SRGAP2C: variants seen among roughly 807,000 people sequenced by gnomAD.
SRGAP2C encodes SLIT-ROBO Rho GTPase activating protein 2C.
Under a neutral mutation model 25.1 loss-of-function variants are expected in SRGAP2C, and 15 were observed. The observed-to-expected ratio is 0.60, with a 90% CI of 0.40 to 0.92. The LOEUF is 0.92. SRGAP2C is among the 40% of genes least tolerant of loss of function. The pLI is 0.00. For synonymous variants in SRGAP2C, 44 were observed against 96.6 expected (o/e 0.46, Z 3.19); for missense variants, 144 against 264.4 (o/e 0.54, Z 3.16).
At chr1:121,321,165 G>A (rs1553341095) in intron 3 of SRGAP2C, among the ~76,000 whole-genome samples, 12 of 142,476 alleles carry the variant, frequency 8.4e-5, no homozygotes, top group Non-Finnish European at 1.2e-4. Context: ...GGTATCTAAC[G>A]CAGGGAAACT....
At position 121,310,894 on chromosome 1, in the gene SRGAP2C, T is replaced by A. The variant is rs1197294325; in HGVS notation, c.261-13584T>A. On this transcript the variant is annotated intron_variant, in intron 3 of 9. Coordinates refer to ENST00000367123, the MANE Select transcript of SRGAP2C (RefSeq NM_001329984.2). ...TTTGTTCTTTTGGCTTAGGATTGAC[T>A]TGGCGATGCGGGCTCTTTTTTGGTT... is the stretch of plus-strand genomic sequence containing the variant. Among the ~76,000 whole-genome samples, 3 of 65,822 alleles carry A rather than the reference T, an allele frequency of 4.6e-5. 1 individual carries two copies. Among genetic ancestry groups the A allele is most frequent in the African/African-American group, 1.7e-4 (3 of 18,002 alleles). The allele number at this position is 65,822 out of a possible 152,430, so 43.2% of individuals were successfully genotyped here. A position where few individuals can be genotyped will look rare whatever the true frequency, so the allele number is the denominator to read the frequency against.
chr1:121,185,111 C>T lies in SRGAP2C; in HGVS notation c.-556C>T. The T allele has an allele frequency of 6.3e-6, 3 of 476,380 alleles. No homozygotes were observed. The highest frequency in any genetic ancestry group is 3.5e-5 in the East Asian group (1 of 28,884). 29.5% of individuals were successfully genotyped at this position (476,380 alleles called of 1,614,324 possible). On this transcript the variant is annotated 5_prime_UTR_variant, in exon 1 of 10. Transcript: ENST00000367123. ...GCGGAACCGGGGGCCTGGGACCCGT[C>T]GCGTCAGAGCCAGGTAAAGGCTCCT... is the stretch of plus-strand genomic sequence containing the variant.
At chr1:121,233,169 C>A (rs1183702243) in intron 2 of SRGAP2C, among the ~76,000 whole-genome samples, 4 of 129,978 alleles carry the variant, frequency 3.1e-5, no homozygotes, top group South Asian at 2.7e-4. Flanking sequence ...TTTTTTGAGA[C>A]AGAGTCTTGC....
At chr1:121,320,982 C>G (rs1658191747) in intron 3 of SRGAP2C, among the ~76,000 whole-genome samples, 1 of 152,170 alleles carries the variant, frequency 6.6e-6, no homozygotes, top group South Asian at 2.1e-4. Flanking sequence ...ATAGGCTCAC[C>G]TGTACAGCTT....
intron 4 of SRGAP2C, among the ~76,000 whole-genome samples, chr1:121,347,019 C>A (rs1570796918): frequency 6.6e-6 from 1 of 151,672 alleles, no homozygotes; most frequent in East Asian, 1.9e-4. Context: ...TACTGATGAG[C>A]AGTGATGCCC....
At chr1:121,207,497 G>A (rs1247037730) in intron 2 of SRGAP2C, among the ~76,000 whole-genome samples, 1 of 152,076 alleles carries the variant, frequency 6.6e-6, no homozygotes, top group African/African-American at 2.4e-5. Context: ...CCTGGGGAGT[G>A]TGGGAGAGGC....
At chr1:121,202,376 A>T (rs1408493506) in intron 2 of SRGAP2C, among the ~76,000 whole-genome samples, 7 of 150,546 alleles carry the variant, frequency 4.6e-5, no homozygotes, top group Non-Finnish European at 1.0e-4. Context: ...GAACAAGAAG[A>T]TCATGAGCTA....
chr1:121,314,779 C>T (rs1251527545), intron 3 of SRGAP2C, among the ~76,000 whole-genome samples: 9 of 151,744 alleles, frequency 5.9e-5, no homozygotes, highest in African/African-American at 2.2e-4. Context: ...GGCAGTCTGC[C>T]CGTTCTCAGA....
At chr1:121,264,800 G>A (rs1405613083) in intron 2 of SRGAP2C, among the ~76,000 whole-genome samples, 1 of 127,022 alleles carries the variant, frequency 7.9e-6, no homozygotes, top group Non-Finnish European at 1.7e-5. Flanking sequence ...TTCTCTGGTA[G>A]ACTAGATTCC....
In SRGAP2C at chr1:121,235,090, C is replaced by T. The variant is rs1479767840; in HGVS notation, c.67+47577C>T. 4.2e-5 allele frequency among the ~76,000 whole-genome samples: 6 copies of T among 143,662 alleles called. No homozygotes were observed. The East Asian group carries it at 8.0e-4, about 19-fold the overall frequency. The allele number at this position is 143,662 out of a possible 152,430, so 94.2% of individuals were successfully genotyped here. On this transcript the variant is annotated intron_variant, in intron 2 of 9. Coordinates refer to ENST00000367123, the MANE Select transcript of SRGAP2C (RefSeq NM_001329984.2). ...AGGCTGGAGTGCAGTGGCTAGATCT[C>T]GGCTCGCTGCAAGCTCCGCCTCCCG...
intron 3 of SRGAP2C, among the ~76,000 whole-genome samples, chr1:121,289,640 CT>C (rs1339374005): frequency 1.1e-5 from 1 of 94,580 alleles, no homozygotes; most frequent in Non-Finnish European, 2.1e-5. Flanking sequence ...AGCGAGGGCT[CT>C]GAGGACTGCC....
intron 4 of SRGAP2C, among the ~76,000 whole-genome samples, chr1:121,327,991 GA>G (rs1658351371): frequency 6.6e-6 from 1 of 152,224 alleles, no homozygotes; most frequent in East Asian, 1.9e-4. Context: ...ACGATAAGGG[GA>G]TCCTACACTG....
chr1:121,390,912 G>A lies in SRGAP2C; in HGVS notation c.*3057G>A, dbSNP rs1660056282. On this transcript the variant is annotated 3_prime_UTR_variant, in exon 10 of 10. Coordinates refer to ENST00000367123, the MANE Select transcript of SRGAP2C (RefSeq NM_001329984.2). ...AAAAATTAGCTGGGTGTGGTGGCAG[G>A]CGCCTGTAATCCCAGCTACTCAGGA... 1 of 143,414 alleles carries A rather than the reference G, an allele frequency of 7.0e-6. No homozygotes were observed. The highest frequency in any genetic ancestry group is 1.5e-5 in the Non-Finnish European group (1 of 65,746). The allele number at this position is 143,414 out of a possible 1,614,324, so 8.9% of individuals were successfully genotyped here. A position where few individuals can be genotyped will look rare whatever the true frequency, so the allele number is the denominator to read the frequency against.
chr1:121,228,778 G>A (rs1400578541), intron 2 of SRGAP2C, among the ~76,000 whole-genome samples: 1 of 150,792 alleles, frequency 6.6e-6, no homozygotes, highest in East Asian at 1.9e-4. Context: ...ATGTGAGAAT[G>A]GATTCACATC....
chr1:121,385,973 C>T (rs1553356296), intron 8 of SRGAP2C, among the ~76,000 whole-genome samples: 1 of 148,742 alleles, frequency 6.7e-6, no homozygotes, highest in African/African-American at 2.5e-5. Flanking sequence ...CTCTCGGGCC[C>T]TCTAGCATAG....
intron 3 of SRGAP2C, among the ~76,000 whole-genome samples, chr1:121,292,224 A>T (rs1463599960): frequency 2.0e-5 from 3 of 150,908 alleles, no homozygotes; most frequent in African/African-American, 7.3e-5. Flanking sequence ...TTAGTAGTAC[A>T]GTGATGAGAC....
At chr1:121,211,321 G>A (rs1655246702) in intron 2 of SRGAP2C, among the ~76,000 whole-genome samples, 1 of 147,808 alleles carries the variant, frequency 6.8e-6, no homozygotes, top group Non-Finnish European at 1.5e-5. Flanking sequence ...GAGATGAAGT[G>A]GTACATCACT....
intron 3 of SRGAP2C, among the ~76,000 whole-genome samples, chr1:121,293,176 G>A (rs1657524090): frequency 1.8e-5 from 2 of 113,806 alleles, no homozygotes; most frequent in South Asian, 2.6e-4. Flanking sequence ...TTTAGATAGA[G>A]CAGTATTAGA....
intron 7 of SRGAP2C, 31 bp downstream of exon 7, chr1:121,374,985 C>T: frequency 2.6e-6 from 2 of 768,322 alleles, no homozygotes; most frequent in South Asian, 2.7e-5. Flanking sequence ...GCCTGAGGGC[C>T]CCTCTTTTCT....
Sources: gnomAD v4.1 joint callset for allele counts (sites outside exome capture counted in the v4.1 genomes callset) on GRCh38, gnomAD v4.1.1 for gene constraint, MANE v1.5 for transcripts, NCBI Gene and HGNC (gene_info 2026-07-23, HGNC 2026-07-21) for gene names.